SLC26A7: variants seen among roughly 807,000 people sequenced by gnomAD.
SLC26A7 encodes the protein anion exchange transporter.
SLC26A7 carries 59 observed loss-of-function variants against 82.5 expected under a neutral mutation model. The ratio of observed to expected loss-of-function variants is 0.72; its 90% CI spans 0.58 to 0.89. SLC26A7 has a LOEUF of 0.89. Among genes scored for constraint, SLC26A7 ranks in the 40% least tolerant of loss-of-function variants. The pLI is 0.00. For synonymous variants in SLC26A7, 271 were observed against 274.3 expected, an observed-to-expected ratio of 0.99 and a Z score of 0.12; for missense variants, 820 against 793.0, an observed-to-expected ratio of 1.03 and a Z score of -0.41.
intron 18 of SLC26A7, 68 bp from the exon 19 acceptor site, chr8:91,394,994 T>C (rs1242320684): frequency 6.4e-6 from 10 of 1,557,956 alleles, no homozygotes; most frequent in African/African-American, 1.4e-5. Context: ...ACTACTGTTC[T>C]TTTACTTTGG....
intron 2 of SLC26A7, among the ~76,000 whole-genome samples, chr8:91,285,279 G>A (rs927999869): frequency 9.3e-5 from 14 of 151,070 alleles, no homozygotes; most frequent in Admixed American, 7.2e-4. Context: ...GCGTTCACAC[G>A]CCTTCATCTT....
intron 18 of SLC26A7, chr8:91,394,453 A>G (rs1264207131): frequency 1.4e-6 from 2 of 1,396,878 alleles, no homozygotes; most frequent in Non-Finnish European, 1.9e-6. Flanking sequence ...CCATCTTTGG[A>G]AATACTATTT....
intron 3 of SLC26A7, 94 bp from the exon 4 acceptor site, chr8:91,295,437 G>C: frequency 7.1e-7 from 1 of 1,414,136 alleles, no homozygotes; most frequent in East Asian, 2.3e-5. Context: ...GATCTGTTTG[G>C]TTTCACAATG....
chr8:91,332,579 G>C (rs893491587), intron 5 of SLC26A7, among the ~76,000 whole-genome samples: 2 of 150,378 alleles, frequency 1.3e-5, no homozygotes, highest in African/African-American at 4.9e-5. Context: ...CCAGGCTGGA[G>C]TGTAGTGGTG....
intron 5 of SLC26A7, among the ~76,000 whole-genome samples, chr8:91,319,245 A>T (rs1033763873): frequency 2.0e-5 from 3 of 152,186 alleles, no homozygotes; most frequent in African/African-American, 7.2e-5. Context: ...CCAAACAAAC[A>T]TTGATTGTTT....
At chr8:91,247,957 C>T (rs530584810), upstream of SLC26A7, among the ~76,000 whole-genome samples, 2 of 152,092 alleles carry the variant, frequency 1.3e-5, no homozygotes, top group East Asian at 1.9e-4. Context: ...AATTTCTTTG[C>T]GTATATAATA....
intron 5 of SLC26A7, among the ~76,000 whole-genome samples, chr8:91,326,985 G>C (rs1337076319): frequency 6.6e-6 from 1 of 152,058 alleles, no homozygotes; most frequent in African/African-American, 2.4e-5. Context: ...TGGGATTTAG[G>C]GCCCACCCAG....
chr8:91,222,555 T>G (rs1156548072), intron 2 of SLC26A7, among the ~76,000 whole-genome samples: 1 of 152,194 alleles, frequency 6.6e-6, no homozygotes. Context: ...TATTGAAAAT[T>G]TTTAACATGA....
chr8:91,252,393 G>T (rs906787895), intron 2 of SLC26A7, among the ~76,000 whole-genome samples: 4 of 151,950 alleles, frequency 2.6e-5, no homozygotes, highest in Non-Finnish European at 5.9e-5. Flanking sequence ...CTTTATTAAA[G>T]ATTTCCTAAT....
At position 91,350,275 on chromosome 8, in the gene SLC26A7, C is replaced by A. The variant is rs1033257938; in HGVS notation, c.1141-1535C>A. Reference sequence around the variant, plus strand: ...CATATACACACACCTTTTAATAGTACCAGGTTAGGACAAGTGTTGTGGGTG... The same window carrying A: ...CATATACACACACCTTTTAATAGTAACAGGTTAGGACAAGTGTTGTGGGTG... On this transcript the variant is annotated intron_variant, in intron 9 of 18. Coordinates refer to ENST00000276609, the MANE Select transcript of SLC26A7 (RefSeq NM_052832.4). Among the ~76,000 whole-genome samples, 32 of 151,964 alleles carry A rather than the reference C, an allele frequency of 2.1e-4. 1 individual carries two copies. Among genetic ancestry groups the A allele is most frequent in the African/African-American group, 7.5e-4 (31 of 41,452 alleles).
intron 3 of SLC26A7, among the ~76,000 whole-genome samples, chr8:91,293,539 G>T (rs954198945): frequency 6.6e-6 from 1 of 152,164 alleles, no homozygotes; most frequent in African/African-American, 2.4e-5. Flanking sequence ...TGGTGGATAT[G>T]CCTGTACCCA....
intron 4 of SLC26A7, among the ~76,000 whole-genome samples, chr8:91,298,137 AGC>A (rs1423564641): frequency 4.6e-5 from 7 of 152,260 alleles, no homozygotes; most frequent in African/African-American, 1.7e-4. Context: ...TGAACTAATC[AGC>A]TTTCTGTTAT....
chr8:91,348,182 T>C (rs372727514), intron 9 of SLC26A7: 6 of 290,622 alleles, frequency 2.1e-5, no homozygotes, highest in South Asian at 2.6e-4. Context: ...ATTTGGCTAA[T>C]TGCTTTCATC....
In SLC26A7 at chr8:91,285,718, A is replaced by G. The variant is rs113669252; in HGVS notation, c.194-3418A>G. Among the ~76,000 whole-genome samples the G allele has an allele frequency of 7.0e-3, 1,068 of 152,328 alleles. 8 individuals are homozygous for G. Among genetic ancestry groups the G allele is most frequent in the Non-Finnish European group, 0.011 (763 of 68,016 alleles). ...ATTTGAAGCTCCATAACCAATGGCT[A>G]TGGTCTATAAAATATTGTTGGTCTT... On this transcript the variant is annotated intron_variant, in intron 2 of 18. Transcript: ENST00000276609.
At chr8:91,233,244 A>G (rs1034235299) in intron 2 of SLC26A7, among the ~76,000 whole-genome samples, 4 of 152,236 alleles carry the variant, frequency 2.6e-5, no homozygotes, top group Non-Finnish European at 1.5e-5. Context: ...GAGAAAAAGC[A>G]GAGAAGTAGA....
chr8:91,388,677 A>G (rs1290160458), intron 15 of SLC26A7, among the ~76,000 whole-genome samples: 4 of 152,264 alleles, frequency 2.6e-5, no homozygotes, highest in East Asian at 1.9e-4. Context: ...AGGTCATATC[A>G]TGTAAGGAAA....
At chr8:91,246,488 G>A (rs1247654194), upstream of SLC26A7, among the ~76,000 whole-genome samples, 2 of 152,092 alleles carry the variant, frequency 1.3e-5, no homozygotes, top group East Asian at 1.9e-4. Flanking sequence ...GGAAAGTTTC[G>A]TGGAAGAGGT....
intron 11 of SLC26A7, among the ~76,000 whole-genome samples, chr8:91,354,834 A>T (rs1346225639): frequency 1.3e-5 from 2 of 152,136 alleles, no homozygotes; most frequent in Non-Finnish European, 2.9e-5. Context: ...GAGGAAGATT[A>T]TATCATTCAT....
intron 9 of SLC26A7, among the ~76,000 whole-genome samples, chr8:91,346,162 A>G (rs373255740): frequency 3.3e-4 from 50 of 152,218 alleles, no homozygotes; most frequent in Middle Eastern, 3.4e-3. Flanking sequence ...GTGGCAGAAT[A>G]TTTTCATGCT....
Sources: allele counts gnomAD v4.1 joint callset (sites outside exome capture counted in the v4.1 genomes callset), GRCh38; gene constraint gnomAD v4.1.1; transcripts MANE v1.5; gene names NCBI Gene and HGNC (gene_info 2026-07-23, HGNC 2026-07-21).